DCC: variants seen among roughly 807,000 people sequenced by gnomAD.
The protein encoded by DCC is DCC netrin 1 receptor, also known as netrin receptor DCC.
Under a neutral mutation model 172.5 loss-of-function variants are expected in DCC, and 58 were observed. The ratio of observed to expected loss-of-function variants is 0.34; its 90% CI spans 0.27 to 0.42. The LOEUF is 0.42. Among genes scored for constraint, DCC ranks in the 10% least tolerant of loss-of-function variants. The probability of loss-of-function intolerance (pLI) is 1.00; values close to 1 mark genes in which losing one functional copy is unlikely to be tolerated. For synonymous variants in DCC, 709 were observed against 644.5 expected, an observed-to-expected ratio of 1.10 and a Z score of -1.52; for missense variants, 1,740 against 1,791.0, an observed-to-expected ratio of 0.97 and a Z score of 0.51.
chr18:53,268,578 A>C (rs542140416), intron 12 of DCC, among the ~76,000 whole-genome samples: 1 of 152,174 alleles, frequency 6.6e-6, no homozygotes, highest in Non-Finnish European at 1.5e-5. Flanking sequence ...TTGCAATGCT[A>C]TTCTCATTCC....
chr18:53,183,841 T>C (rs1315567287), intron 9 of DCC, among the ~76,000 whole-genome samples: 1 of 152,038 alleles, frequency 6.6e-6, no homozygotes, highest in Non-Finnish European at 1.5e-5. Flanking sequence ...ATAATGTCTC[T>C]GAACATTACT....
intron 5 of DCC, among the ~76,000 whole-genome samples, chr18:52,927,449 AC>A (rs1013779812): frequency 4.8e-4 from 73 of 151,920 alleles, no homozygotes; most frequent in African/African-American, 1.7e-3. Context: ...TGAAGTGAAT[AC>A]TTTTGGTATC....
intron 18 of DCC, among the ~76,000 whole-genome samples, chr18:53,398,980 G>A (rs1319416236): frequency 2.0e-5 from 3 of 152,106 alleles, no homozygotes; most frequent in Admixed American, 6.6e-5. Flanking sequence ...TAGTTCTGCA[G>A]TAAGATAAAG....
intron 1 of DCC, among the ~76,000 whole-genome samples, chr18:52,690,089 C>T (rs1411331921): frequency 6.6e-6 from 1 of 152,156 alleles, no homozygotes; most frequent in Admixed American, 6.6e-5. Context: ...CCCAGACTGA[C>T]AGCTTGACAG....
In DCC at chr18:52,871,021, T is replaced by A. The variant is rs1025820708; in HGVS notation, c.413-35023T>A. 5.9e-5 allele frequency among the ~76,000 whole-genome samples: 9 copies of A among 152,112 alleles called. No homozygotes were observed. The East Asian group carries it at 1.7e-3, about 29-fold the overall frequency. On this transcript the variant is annotated intron_variant, in intron 2 of 28. Transcript: ENST00000442544. Reference sequence around the variant, plus strand: ...ATGACATAGGATAGGCCTCCCGGGATTGGACTTTTCCAGCACTAACCAGAC... The same window carrying A: ...ATGACATAGGATAGGCCTCCCGGGAATGGACTTTTCCAGCACTAACCAGAC...
chr18:53,280,264 A>G lies in DCC; in HGVS notation c.1912-25314A>G, dbSNP rs191022772. Among the ~76,000 whole-genome samples, 327 of 152,210 alleles carry G rather than the reference A, an allele frequency of 2.1e-3. 1 individual carries two copies. Among genetic ancestry groups the G allele is most frequent in the African/African-American group, 7.5e-3 (312 of 41,570 alleles). ...TTTTCTACTGATGTTTAGATTCAGTATTGTTTTCTTTCCCTGTGTTGGAGA... is the reference window on the plus strand; with the variant it reads ...TTTTCTACTGATGTTTAGATTCAGTGTTGTTTTCTTTCCCTGTGTTGGAGA... On this transcript the variant is annotated intron_variant, in intron 12 of 28. Transcript: ENST00000442544.
intron 12 of DCC, among the ~76,000 whole-genome samples, chr18:53,283,785 CTTG>C (rs1194576112): frequency 6.6e-6 from 1 of 152,202 alleles, no homozygotes; most frequent in Non-Finnish European, 1.5e-5. Context: ...ATGATTATCA[CTTG>C]TTTGTCATTT....
intron 13 of DCC, among the ~76,000 whole-genome samples, chr18:53,305,973 A>G (rs889544411): frequency 2.0e-5 from 3 of 152,196 alleles, no homozygotes; most frequent in Non-Finnish European, 2.9e-5. Flanking sequence ...GTTTCTCAGC[A>G]TTGCTGATTC....
intron 1 of DCC, among the ~76,000 whole-genome samples, chr18:52,612,067 G>A (rs1026466879): frequency 6.6e-6 from 1 of 152,142 alleles, no homozygotes; most frequent in Non-Finnish European, 1.5e-5. Context: ...GTGGGTTGAT[G>A]ACTCTCCTGT....
At chr18:52,797,741 G>A (rs571813187) in intron 2 of DCC, among the ~76,000 whole-genome samples, 2 of 152,324 alleles carry the variant, frequency 1.3e-5, no homozygotes, top group African/African-American at 4.8e-5. Context: ...CAATTTGTAT[G>A]GGTGCTGGCA....
intron 15 of DCC, among the ~76,000 whole-genome samples, chr18:53,377,352 T>TGAGAGAGAGAGAGAGAGAGAGAGA (rs59629030): frequency 1.7e-4 from 23 of 137,366 alleles, no homozygotes; most frequent in African/African-American, 6.0e-4. Flanking sequence ...AAGATGCATT[T>TGAGAGAGAGAGAGAGAGAGAGAGA]GAGAGAGAGA....
At chr18:52,846,605 CCAAACA>C (rs1248802366) in intron 2 of DCC, among the ~76,000 whole-genome samples, 1 of 48,470 alleles carries the variant, frequency 2.1e-5, no homozygotes, top group Admixed American at 2.5e-4. Context: ...TTCTGCCACT[CCAAACA>C]CACACACACA....
intron 1 of DCC, among the ~76,000 whole-genome samples, chr18:52,626,921 AGG>A (rs1318467555): frequency 6.6e-6 from 1 of 152,118 alleles, no homozygotes; most frequent in Non-Finnish European, 1.5e-5. Flanking sequence ...GAATCCATGG[AGG>A]GTTCCTTGGT....
At chr18:53,103,507 G>C (rs548229512) in intron 7 of DCC, among the ~76,000 whole-genome samples, 38 of 151,970 alleles carry the variant, frequency 2.5e-4, no homozygotes, top group Middle Eastern at 3.2e-3. Context: ...CTTCCAAGTA[G>C]CTAGAACTTA....
At chr18:52,907,307 C>CATATGTATATGT (rs10650686) in intron 3 of DCC, among the ~76,000 whole-genome samples, 5 of 101,528 alleles carry the variant, frequency 4.9e-5, no homozygotes, top group South Asian at 3.3e-4. Flanking sequence ...TGGATATATA[C>CATATGTATATGT]ATATGTATAT....
chr18:52,674,431 A>G (rs12956001), intron 1 of DCC, among the ~76,000 whole-genome samples: 64,160 of 151,928 alleles, frequency 0.42, 13,879 homozygotes, highest in Non-Finnish European at 0.49. Context: ...GATGGTGTCT[A>G]CCCATTTTTG....
At chr18:52,660,463 T>G (rs2035338429) in intron 1 of DCC, among the ~76,000 whole-genome samples, 1 of 152,130 alleles carries the variant, frequency 6.6e-6, no homozygotes, top group African/African-American at 2.4e-5. Context: ...TCAAGTCACT[T>G]GTATGACTGC....
At position 52,869,911 on chromosome 18, in the gene DCC, G is replaced by C. The variant is rs186128845; in HGVS notation, c.413-36133G>C. On this transcript the variant is annotated intron_variant, in intron 2 of 28. Transcript: ENST00000442544. ...GCCTTCTCAGGCCCCCAAGGGTGCA[G>C]AGTGCAGAGACACCTGGGTCCTGCG... Among the ~76,000 whole-genome samples, 298 of 152,324 alleles carry C rather than the reference G, an allele frequency of 2.0e-3. 2 individuals are homozygous for C. The highest frequency in any genetic ancestry group is 0.017 in the Middle Eastern group (5 of 294).
intron 7 of DCC, among the ~76,000 whole-genome samples, chr18:53,079,222 C>T (rs1389258792): frequency 5.9e-5 from 9 of 152,014 alleles, no homozygotes; most frequent in African/African-American, 2.2e-4. Context: ...AATTGGTAGC[C>T]TATACATAAG....
Sources: gnomAD v4.1 joint callset for allele counts (sites outside exome capture counted in the v4.1 genomes callset) on GRCh38, gnomAD v4.1.1 for gene constraint, MANE v1.5 for transcripts, NCBI Gene and HGNC (gene_info 2026-07-23, HGNC 2026-07-21) for gene names.